The following SORCS2 variants were observed in gnomAD, a reference collection of about 807,000 sequenced individuals.
The protein encoded by SORCS2 is sortilin related VPS10 domain containing receptor 2, also known as VPS10 domain-containing receptor SorCS2.
A neutral mutation model predicts 141.6 loss-of-function variants in SORCS2; 100 were observed. That is an observed-to-expected ratio of 0.71 (90% CI 0.60 to 0.83). The LOEUF is 0.83. Among genes scored for constraint, SORCS2 ranks in the 40% least tolerant of loss-of-function variants. The pLI is 0.00. For missense variants in SORCS2, 1,646 were observed against 1,560.2 expected, an observed-to-expected ratio of 1.05 and a Z score of -0.93; for synonymous variants, 789 against 676.9, an observed-to-expected ratio of 1.17 and a Z score of -2.57.
rs562351518 is a variant in SORCS2 at position 7,682,217 on chromosome 4, G to A, written c.1342-526G>A. ...ATGAAGGCAAGTGGAGCCCTGTCCC[G>A]GGTGTTCTAGGGTAAGCATGGACCC... On this transcript the variant is annotated intron_variant, in intron 9 of 26. Transcript: ENST00000507866. 1.6e-4 allele frequency among the ~76,000 whole-genome samples: 24 copies of A among 152,296 alleles called. No individual in the cohort carries two copies. The South Asian group carries it at 3.5e-3, about 22-fold the overall frequency.
chr4:7,694,037 G>C (rs1258076007), intron 11 of SORCS2, among the ~76,000 whole-genome samples: 1 of 152,144 alleles, frequency 6.6e-6, no homozygotes, highest in Non-Finnish European at 1.5e-5. Context: ...GGTGCTCCCT[G>C]TCTCGGGAGC....
intron 3 of SORCS2, among the ~76,000 whole-genome samples, chr4:7,539,189 C>G (rs1305446862): frequency 2.6e-5 from 4 of 152,184 alleles, no homozygotes; most frequent in Admixed American, 2.0e-4. Context: ...ACACCAAAAG[C>G]CTGTGCTTTG....
At chr4:7,492,229 T>C (rs2109403579) in intron 2 of SORCS2, among the ~76,000 whole-genome samples, 1 of 152,290 alleles carries the variant, frequency 6.6e-6, no homozygotes, top group African/African-American at 2.4e-5. Flanking sequence ...ATCTCCCGAG[T>C]CCTCCCTGCC....
chr4:7,541,123 G>A (rs73075277), intron 3 of SORCS2, among the ~76,000 whole-genome samples: 3,287 of 152,354 alleles, frequency 0.022, 111 homozygotes, highest in African/African-American at 0.074. Context: ...GTGATGGGAA[G>A]TGAGGGTGAG....
intron 2 of SORCS2, among the ~76,000 whole-genome samples, chr4:7,528,924 C>G (rs958589765): frequency 6.6e-6 from 1 of 152,208 alleles, no homozygotes; most frequent in Non-Finnish European, 1.5e-5. Flanking sequence ...CCTTGGTACC[C>G]TTGGCCTGCG....
chr4:7,276,014 TG>T (rs1364632677), intron 1 of SORCS2, among the ~76,000 whole-genome samples: 6 of 152,034 alleles, frequency 3.9e-5, no homozygotes, highest in African/African-American at 1.4e-4. Context: ...TCGGGCTCAG[TG>T]GGGAGTTGCT....
In SORCS2 at chr4:7,344,069, A is replaced by T. The variant is rs115007143; in HGVS notation, c.481-52219A>T. 0.013 allele frequency among the ~76,000 whole-genome samples: 1,927 copies of T among 152,308 alleles called. 82 individuals carry two copies. In the East Asian group the frequency reaches 0.15, roughly 12 times the overall value. On this transcript the variant is annotated intron_variant, in intron 1 of 26. Transcript: ENST00000507866. ...CCTTGGCCTGCAAGTGAATACTGACACGGGAGGTATGGGGTGGGTGCGGTG... is the reference window on the plus strand; with the variant it reads ...CCTTGGCCTGCAAGTGAATACTGACTCGGGAGGTATGGGGTGGGTGCGGTG...
chr4:7,621,377 CTATG>C (rs778973536), intron 3 of SORCS2, among the ~76,000 whole-genome samples: 1 of 150,736 alleles, frequency 6.6e-6, no homozygotes, highest in Admixed American at 6.6e-5. Flanking sequence ...GTTTGTGTGT[CTATG>C]TGTGAGTGTT....
intron 17 of SORCS2, among the ~76,000 whole-genome samples, chr4:7,716,669 T>TATTC (rs1726213510): frequency 7.4e-6 from 1 of 134,332 alleles, no homozygotes; most frequent in African/African-American, 2.7e-5. Flanking sequence ...ACCATCTATC[T>TATTC]ATTCATTCAT....
intron 2 of SORCS2, among the ~76,000 whole-genome samples, chr4:7,496,426 AG>A (rs1731619207): frequency 7.0e-5 from 3 of 42,582 alleles, no homozygotes; most frequent in East Asian, 6.5e-4. Flanking sequence ...AAGCTACTGG[AG>A]CCCCCCCCCC....
intron 1 of SORCS2, among the ~76,000 whole-genome samples, chr4:7,379,503 C>T (rs545539022): frequency 5.9e-5 from 9 of 152,350 alleles, no homozygotes; most frequent in Non-Finnish European, 1.3e-4. Flanking sequence ...GCTGCAATTA[C>T]AGTGATGTAT....
At chr4:7,534,472 A>G (rs565287136) in intron 3 of SORCS2, among the ~76,000 whole-genome samples, 21 of 152,378 alleles carry the variant, frequency 1.4e-4, no homozygotes, top group African/African-American at 5.0e-4. Flanking sequence ...AAGATGTCCC[A>G]GTCCCGACCC....
intron 1 of SORCS2, among the ~76,000 whole-genome samples, chr4:7,241,906 T>A (rs1310347361): frequency 6.6e-6 from 1 of 152,192 alleles, no homozygotes; most frequent in African/African-American, 2.4e-5. Flanking sequence ...GTGTTGAGCG[T>A]CTACTCCGTG....
At chr4:7,726,376 C>A (rs190779258) in intron 20 of SORCS2, among the ~76,000 whole-genome samples, 85 of 152,256 alleles carry the variant, frequency 5.6e-4, no homozygotes, top group African/African-American at 2.0e-3. Context: ...AGTTTGAGAC[C>A]AACCTGGCTA....
intron 2 of SORCS2, among the ~76,000 whole-genome samples, chr4:7,416,274 A>G (rs970537052): frequency 6.6e-6 from 1 of 152,046 alleles, no homozygotes; most frequent in Admixed American, 6.5e-5. Context: ...GGGTTTAGGG[A>G]GGCACTTTTT....
In SORCS2 at chr4:7,396,300, C is replaced by T. The variant is rs576655911; in HGVS notation, c.493C>T (p.Leu165=). ...GTTAACACCACAGGTGATCTTGATC[C>T]TGACGAAGTACTACCACGCAGACAT... ...TGENSSVILI[L]TKYYHADMGK... is the part of the protein sequence containing the mutation. The change falls in exon 2 of 27, where the codon CTG becomes TTG. Residue 165 remains leucine, a synonymous_variant. Coordinates refer to ENST00000507866, the MANE Select transcript of SORCS2 (RefSeq NM_020777.3). 6.2e-7 allele frequency: 1 copy of T among 1,613,912 alleles called. No individual in the cohort carries two copies. The highest frequency in any genetic ancestry group is 1.3e-5 in the African/African-American group (1 of 75,024).
chr4:7,349,414 C>T (rs761721817), intron 1 of SORCS2, among the ~76,000 whole-genome samples: 8 of 152,218 alleles, frequency 5.3e-5, no homozygotes, highest in Non-Finnish European at 1.0e-4. Context: ...GAGCACAGGG[C>T]CAGTGGGGTG....
chr4:7,509,885 A>G (rs1732511338), intron 2 of SORCS2, among the ~76,000 whole-genome samples: 1 of 152,182 alleles, frequency 6.6e-6, no homozygotes, highest in East Asian at 1.9e-4. Flanking sequence ...CCAGCTGTCC[A>G]AATCACAAGC....
chr4:7,356,666 T>C (rs1721270704), intron 1 of SORCS2, among the ~76,000 whole-genome samples: 1 of 152,124 alleles, frequency 6.6e-6, no homozygotes, highest in Non-Finnish European at 1.5e-5. Flanking sequence ...TGGATTTGGG[T>C]CGGGGGATGC....
Sources: allele counts gnomAD v4.1 joint callset (sites outside exome capture counted in the v4.1 genomes callset), GRCh38; gene constraint gnomAD v4.1.1; transcripts MANE v1.5; gene names NCBI Gene and HGNC (gene_info 2026-07-23, HGNC 2026-07-21).